Variants in NFATC4 observed in about 807,000 individuals in gnomAD.
NFATC4 encodes nuclear factor of activated T cells 4, also known as nuclear factor of activated T-cells, cytoplasmic 4.
Under a neutral mutation model 73.4 loss-of-function variants are expected in NFATC4, and 25 were observed. The observed-to-expected ratio is 0.34, with a 90% CI of 0.25 to 0.48. The LOEUF (loss-of-function observed/expected upper bound fraction) is 0.48, where lower values mean the gene tolerates loss of function less well. Ranked by LOEUF, NFATC4 falls within the 20% of genes least tolerant of loss-of-function variation. The pLI, the probability that NFATC4 is intolerant of heterozygous loss-of-function variation, is 0.99. For synonymous variants in NFATC4, 523 were observed against 510.3 expected (o/e 1.02, Z -0.34); for missense variants, 1,130 against 1,203.7 (o/e 0.94, Z 0.91).
intron 1 of NFATC4, chr14:24,368,922 C>T: frequency 2.1e-6 from 1 of 475,578 alleles, no homozygotes; most frequent in Non-Finnish European, 2.8e-6. Flanking sequence ...GCGGCGGCCG[C>T]CGCTCGCACG....
Position 24,377,527 on chromosome 14 carries a change from A to C in NFATC4, c.2642-111A>C. ...GTGGAATAGAAGCCAGTAGAGGAGG[A>C]ATCTAGAGGCCTCCTAGATTAAGAC... On this transcript the variant is annotated intron_variant, in intron 9 of 9. Transcript: ENST00000250373. The surrounding 1 kb of genome is among the most constrained non-coding windows in gnomAD (Gnocchi z 4.2). 2 of 1,549,346 alleles carry C rather than the reference A, an allele frequency of 1.3e-6. No homozygotes were observed. The highest frequency in any genetic ancestry group is 1.7e-6 in the Non-Finnish European group (2 of 1,148,968).
rs939191955 is a variant in NFATC4 at position 24,370,020 on chromosome 14, C to T, written c.622C>T (p.Arg208Cys). ...GTCTGAGCTAAATGAGGCGGCCTCC[C>T]GCTTTGGCCTGGGCTCCCCGCTGCC... Reference protein sequence around the residue: ...VESELNEAASRFGLGSPLPSP... With the variant: ...VESELNEAASCFGLGSPLPSP... The change falls in exon 2 of 10, where the codon CGC becomes TGC. Residue 208 changes from arginine (R) to cysteine (C), a missense_variant. Coordinates refer to ENST00000250373, the MANE Select transcript of NFATC4 (RefSeq NM_004554.5). The T allele has an allele frequency of 5.0e-6, 8 of 1,612,174 alleles. No individual in the cohort carries two copies. The highest frequency in any genetic ancestry group is 1.3e-5 in the African/African-American group (1 of 75,040).
At chr14:24,368,123 G>C, upstream of NFATC4, 1 of 1,122,934 alleles carries the variant, frequency 8.9e-7, no homozygotes, top group Non-Finnish European at 1.1e-6. Context: ...AGCCAATCAG[G>C]GACAGGCTGG....
chr14:24,374,179 A>G (rs1467879301), intron 5 of NFATC4, 147 bp from the exon 6 acceptor site: 2 of 1,066,740 alleles, frequency 1.9e-6, no homozygotes, highest in East Asian at 2.6e-5. Context: ...ATGTGACTCC[A>G]TGGATATTAC....
intron 1 of NFATC4, chr14:24,368,988 C>G (rs1037303038): frequency 4.1e-6 from 5 of 1,221,860 alleles, no homozygotes; most frequent in African/African-American, 3.1e-5. Flanking sequence ...CGCATCACCC[C>G]CTCGGCTGCA....
At chr14:24,375,497 CCACTCATATTAAGTTAA>C (rs2042588250) in intron 6 of NFATC4, among the ~76,000 whole-genome samples, 146 bp from the exon 7 acceptor site, 1 of 152,158 alleles carries the variant, frequency 6.6e-6, no homozygotes, top group Non-Finnish European at 1.5e-5. Flanking sequence ...CCTACCTCTT[CCACTCATATTAAGTTAA>C]CATGCAGTGG....
chr14:24,369,649 C>T lies in NFATC4; in HGVS notation c.251C>T (p.Thr84Ile), dbSNP rs2042411445. Residue 84 changes from threonine to isoleucine, a missense_variant, in exon 2 of 10, where the codon ACC becomes ATC. By Grantham distance (89) the Thr-to-Ile change is moderately conservative. Transcript: ENST00000250373. ...PPPRPAPSPG[T>I]WESQPARSVR... ...CCGCGACCAGCCCCCTCACCTGGCA[C>T]CTGGGAGAGCCAGCCCGCCAGGTCG... is the stretch of plus-strand genomic sequence containing the variant. 3.1e-6 allele frequency: 5 copies of T among 1,613,132 alleles called. No individual in the cohort carries two copies. The highest frequency in any genetic ancestry group is 4.2e-6 in the Non-Finnish European group (5 of 1,179,734).
At chr14:24,372,731 G>C in intron 3 of NFATC4, 128 bp downstream of exon 3, 1 of 1,251,046 alleles carries the variant, frequency 8.0e-7, no homozygotes, top group South Asian at 1.3e-5. Context: ...CCTGGGGGAG[G>C]GGCTGGAGTT....
At position 24,373,241 on chromosome 14, in the gene NFATC4, G is replaced by A. The variant is rs1426701796; in HGVS notation, c.1430G>A (p.Arg477Gln). 3 of 1,614,174 alleles carry A rather than the reference G, an allele frequency of 1.9e-6. No homozygotes were observed. The highest frequency in any genetic ancestry group is 2.5e-6 in the Non-Finnish European group (3 of 1,180,048). Residue 477 changes from arginine (R) to glutamine (Q), a missense_variant, in exon 4 of 10, where the codon CGG (arginine) becomes CAG (glutamine). Around this residue, in one of 3 missense-constraint regions of NFATC4, gnomAD observed 155 missense variants for 221.2 expected, o/e 0.70. Coordinates refer to ENST00000250373, the MANE Select transcript of NFATC4 (RefSeq NM_004554.5). This position sits in a 1 kb window ranked among gnomAD's most constrained non-coding sequence, Gnocchi z 4.7. The stretch of plus-strand genomic sequence containing the variant: ...GGCACTGCAGATGAAAGGAACCTGC[G>A]GCCTCATGCCTTCTATCAGGTGCAC... ...FIGTADERNL[R>Q]PHAFYQVHRI...
chr14:24,376,933 A>T lies in NFATC4; in HGVS notation c.2641+55A>T, dbSNP rs1254506324. 1 of 1,462,078 alleles carries T rather than the reference A, an allele frequency of 6.8e-7. No individual in the cohort carries two copies. Among genetic ancestry groups the T allele is most frequent in the African/African-American group, 1.4e-5 (1 of 69,996 alleles). The allele number at this position is 1,462,078 out of a possible 1,614,324, so 90.6% of individuals were successfully genotyped here. A position where few individuals can be genotyped will look rare whatever the true frequency, so the allele number is the denominator to read the frequency against. The stretch of plus-strand genomic sequence containing the variant: ...GAGTGTGTGCAAGAGATTGCTCTGC[A>T]TGTTTGCTGAGGGCTGGAGCTGGGC... On this transcript the variant is annotated intron_variant, in intron 9 of 9. Coordinates refer to ENST00000250373, the MANE Select transcript of NFATC4 (RefSeq NM_004554.5). This position sits in a 1 kb window ranked among gnomAD's most constrained non-coding sequence, Gnocchi z 5.0.
chr14:24,369,128 T>G, intron 1 of NFATC4: 1 of 1,435,806 alleles, frequency 7.0e-7, no homozygotes, highest in East Asian at 2.5e-5. Flanking sequence ...GTTTGGGGGT[T>G]TGGGAACCGC....
chr14:24,367,235 TGGGGGCGG>T (rs1566458535), upstream of NFATC4: 2 of 1,568,234 alleles, frequency 1.3e-6, no homozygotes, highest in Admixed American at 1.7e-5. Flanking sequence ...TCCAGCCTGT[TGGGGGCGG>T]GGGGGCCAAG....
Position 24,377,109 on chromosome 14 carries a change from C to T in NFATC4, c.2641+231C>T. On this transcript the variant is annotated intron_variant, in intron 9 of 9. Coordinates refer to ENST00000250373, the MANE Select transcript of NFATC4 (RefSeq NM_004554.5). This position sits in a 1 kb window ranked among gnomAD's most constrained non-coding sequence, Gnocchi z 4.2. ...CTCAGCCTTTCTCCTGTCTCTGCCT[C>T]TGTCCTCTGCTCCAAATCATAAAAT... The T allele has an allele frequency of 7.6e-7, 1 of 1,312,796 alleles. No homozygotes were observed. 81.3% of individuals were successfully genotyped at this position (1,312,796 alleles called of 1,614,324 possible). A position where few individuals can be genotyped will look rare whatever the true frequency, so the allele number is the denominator to read the frequency against.
In NFATC4 at chr14:24,373,481, A is replaced by G; in HGVS notation, c.1559+111A>G. ...CCCAGAAGAGGTAGACATTTTTCCT[A>G]GGAGCTGGCTTCAGGCCTACCCACC... On this transcript the variant is annotated intron_variant, in intron 4 of 9. Transcript: ENST00000250373. This position sits in a 1 kb window ranked among gnomAD's most constrained non-coding sequence, Gnocchi z 4.7. The G allele has an allele frequency of 7.0e-7, 1 of 1,427,480 alleles. No individual in the cohort carries two copies. Among genetic ancestry groups the G allele is most frequent in the African/African-American group, 1.4e-5 (1 of 71,030 alleles). 88.4% of individuals were successfully genotyped at this position (1,427,480 alleles called of 1,614,324 possible).
Position 24,377,812 on chromosome 14 carries a change from TC to T in NFATC4, c.*109del. 2 of 1,580,338 alleles carry T rather than the reference TC, an allele frequency of 1.3e-6. No individual in the cohort carries two copies. The highest frequency in any genetic ancestry group is 1.7e-6 in the Non-Finnish European group (2 of 1,161,914). On this transcript the variant is annotated 3_prime_UTR_variant, in exon 10 of 10. Coordinates refer to ENST00000250373, the MANE Select transcript of NFATC4 (RefSeq NM_004554.5). This position sits in a 1 kb window ranked among gnomAD's most constrained non-coding sequence, Gnocchi z 4.2. ...ACAGAAGCTTGGGGCCAACCCTGGC[TC>T]CTCTTTCCCCAGCTTCTGTCTGTCT... is the stretch of plus-strand genomic sequence containing the variant.
chr14:24,377,174 G>A lies in NFATC4; in HGVS notation c.2641+296G>A, dbSNP rs1416234295. The A allele has an allele frequency of 1.1e-5, 14 of 1,285,422 alleles. No individual in the cohort carries two copies. In the East Asian group the frequency reaches 2.3e-4, roughly 21 times the overall value. 79.6% of individuals were successfully genotyped at this position (1,285,422 alleles called of 1,614,324 possible). A position where few individuals can be genotyped will look rare whatever the true frequency, so the allele number is the denominator to read the frequency against. Reference sequence around the variant, plus strand: ...CACTTTCAAGATCATTCCATCCAGCGCATTCAATTTGCAAGTTTAGGCGTT... The same window carrying A: ...CACTTTCAAGATCATTCCATCCAGCACATTCAATTTGCAAGTTTAGGCGTT... On this transcript the variant is annotated intron_variant, in intron 9 of 9. Coordinates refer to ENST00000250373, the MANE Select transcript of NFATC4 (RefSeq NM_004554.5). The surrounding 1 kb of genome is among the most constrained non-coding windows in gnomAD (Gnocchi z 4.2).
Position 24,370,286 on chromosome 14 carries a change from G to A in NFATC4, c.888G>A (p.Glu296=). 5.0e-6 allele frequency: 8 copies of A among 1,612,188 alleles called. No individual in the cohort carries two copies. The highest frequency in any genetic ancestry group is 6.8e-6 in the Non-Finnish European group (8 of 1,179,046). The change falls in exon 2 of 10, where the codon GAG becomes GAA. Residue 296 remains glutamate (E), a synonymous_variant. Coordinates refer to ENST00000250373, the MANE Select transcript of NFATC4 (RefSeq NM_004554.5). The part of the protein sequence containing the change: ...RRGSLGEEGS[E]PPPPPPLPLA... ...GCAGCCTGGGGGAAGAGGGGTCTGA[G>A]CCACCTCCACCACCCCCATTGCCTC...
chr14:24,369,342 A>C, intron 1 of NFATC4, 157 bp from the exon 2 acceptor site: 1 of 1,597,834 alleles, frequency 6.3e-7, no homozygotes. Context: ...CCATCTTCCC[A>C]GGTCCAACTC....
Position 24,377,540 on chromosome 14 carries a change from C to T in NFATC4, c.2642-98C>T. ...CAGTAGAGGAGGAATCTAGAGGCCT[C>T]CTAGATTAAGACCTGCCTGGAATGG... On this transcript the variant is annotated intron_variant, in intron 9 of 9. Coordinates refer to ENST00000250373, the MANE Select transcript of NFATC4 (RefSeq NM_004554.5). The surrounding 1 kb of genome is among the most constrained non-coding windows in gnomAD (Gnocchi z 4.2). 3 of 1,587,448 alleles carry T rather than the reference C, an allele frequency of 1.9e-6. No homozygotes were observed. The highest frequency in any genetic ancestry group is 1.1e-5 in the South Asian group (1 of 87,826).
Sources: allele counts gnomAD v4.1 joint callset (sites outside exome capture counted in the v4.1 genomes callset), GRCh38; gene constraint gnomAD v4.1.1; regional missense constraint gnomAD v4.1.1; non-coding constraint Gnocchi (gnomAD v3.1); transcripts MANE v1.5; gene names NCBI Gene and HGNC (gene_info 2026-07-23, HGNC 2026-07-21).